FBXL17: variants seen among roughly 807,000 people sequenced by gnomAD.
The protein encoded by FBXL17 is F-box and leucine rich repeat protein 17.
FBXL17 carries 22 observed loss-of-function variants against 66.2 expected under a neutral mutation model. The ratio of observed to expected loss-of-function variants is 0.33; its 90% CI spans 0.24 to 0.47. The LOEUF (loss-of-function observed/expected upper bound fraction) is 0.47, where lower values mean the gene tolerates loss of function less well. Among genes scored for constraint, FBXL17 ranks in the 20% least tolerant of loss-of-function variants. The probability of loss-of-function intolerance (pLI) is 1.00; values close to 1 mark genes in which losing one functional copy is unlikely to be tolerated. For synonymous variants in FBXL17, 474 were observed against 400.5 expected, an observed-to-expected ratio of 1.18 and a Z score of -2.19; for missense variants, 878 against 948.2, an observed-to-expected ratio of 0.93 and a Z score of 0.97.
chr5:107,884,979 A>G (rs544868062), intron 7 of FBXL17, among the ~76,000 whole-genome samples: 1 of 152,314 alleles, frequency 6.6e-6, no homozygotes, highest in African/African-American at 2.4e-5. Context: ...TTATATAAAT[A>G]CTTAGTCATT....
rs563661311 is a variant in FBXL17, at chr5:108,287,929, CTAGTCAT to C, written c.1506+60463_1506+60469del. Among the ~76,000 whole-genome samples, 961 of 151,872 alleles carry C rather than the reference CTAGTCAT, an allele frequency of 6.3e-3. 8 individuals carry two copies. Among genetic ancestry groups the C allele is most frequent in the African/African-American group, 0.022 (920 of 41,448 alleles). On this transcript the variant is annotated intron_variant, in intron 4 of 8. Transcript: ENST00000542267. The stretch of plus-strand genomic sequence containing the variant: ...ATACATATACACCATGGAATACTAC[CTAGTCAT>C]AAAAAGAATAGATACTATCCTTTGC...
intron 4 of FBXL17, among the ~76,000 whole-genome samples, chr5:108,224,975 C>T (rs1020921138): frequency 1.3e-5 from 2 of 152,152 alleles, no homozygotes; most frequent in Middle Eastern, 3.4e-3. Flanking sequence ...ATAAAATTCA[C>T]CCTTTCAAAG....
chr5:108,126,664 C>CTCT (rs1561423141), intron 6 of FBXL17, among the ~76,000 whole-genome samples: 2,875 of 107,754 alleles, frequency 0.027, 62 homozygotes, highest in African/African-American at 0.048. Flanking sequence ...TATATATATA[C>CTCT]ATATATATAT....
At chr5:108,138,120 T>C (rs1419534910) in intron 6 of FBXL17, among the ~76,000 whole-genome samples, 2 of 152,214 alleles carry the variant, frequency 1.3e-5, no homozygotes, top group Non-Finnish European at 2.9e-5. Context: ...GGATAATGTG[T>C]TATTCAGTAA....
At chr5:108,103,104 T>G (rs1368939381) in intron 6 of FBXL17, among the ~76,000 whole-genome samples, 1 of 152,240 alleles carries the variant, frequency 6.6e-6, no homozygotes, top group Non-Finnish European at 1.5e-5. Flanking sequence ...ATTCCATTTT[T>G]CTGTCTCTAA....
chr5:108,036,174 T>C (rs958686043), intron 6 of FBXL17, among the ~76,000 whole-genome samples: 4 of 152,172 alleles, frequency 2.6e-5, no homozygotes, highest in African/African-American at 9.7e-5. Flanking sequence ...GTTGGCCCCA[T>C]CTATTATTTT....
chr5:108,052,023 G>A (rs1224164335), intron 6 of FBXL17, among the ~76,000 whole-genome samples: 1 of 147,646 alleles, frequency 6.8e-6, no homozygotes, highest in African/African-American at 2.5e-5. Flanking sequence ...TGAGGCAGGA[G>A]AATGGCGTGA....
chr5:107,865,791 T>C (rs1384123023), intron 8 of FBXL17, among the ~76,000 whole-genome samples: 2 of 152,202 alleles, frequency 1.3e-5, no homozygotes, highest in African/African-American at 4.8e-5. Flanking sequence ...ATTTTACTTA[T>C]AATCTCTCCT....
chr5:107,952,627 C>T (rs772036082), intron 7 of FBXL17, among the ~76,000 whole-genome samples: 3 of 152,152 alleles, frequency 2.0e-5, no homozygotes, highest in African/African-American at 4.8e-5. Flanking sequence ...AACCCAATGA[C>T]GTTTTCAGTG....
chr5:108,002,733 G>C, intron 7 of FBXL17, among the ~76,000 whole-genome samples: 1 of 152,132 alleles, frequency 6.6e-6, no homozygotes, highest in Non-Finnish European at 1.5e-5. Flanking sequence ...CCACAACACT[G>C]ACAAATCTCA....
At chr5:108,224,370 T>C (rs1208921716) in intron 4 of FBXL17, 142 bp from the exon 5 acceptor site, 1 of 462,680 alleles carries the variant, frequency 2.2e-6, no homozygotes, top group Non-Finnish European at 3.9e-6. Context: ...CATACAAACA[T>C]GCTATAATAT....
At chr5:108,098,165 A>T (rs12654751) in intron 6 of FBXL17, among the ~76,000 whole-genome samples, 1 of 152,074 alleles carries the variant, frequency 6.6e-6, no homozygotes, top group East Asian at 1.9e-4. Context: ...CTAAAAAAAA[A>T]CAGAAATCTA....
intron 6 of FBXL17, among the ~76,000 whole-genome samples, chr5:108,143,347 TCACACA>T (rs67696841): frequency 8.1e-5 from 12 of 147,688 alleles, no homozygotes; most frequent in Non-Finnish European, 1.0e-4. Flanking sequence ...AACAGCATTC[TCACACA>T]CACACACACA....
intron 6 of FBXL17, among the ~76,000 whole-genome samples, chr5:108,154,646 C>G (rs1561437220): frequency 1.6e-5 from 2 of 128,016 alleles, no homozygotes; most frequent in Non-Finnish European, 3.2e-5. Context: ...CACACACACA[C>G]ACATATATGT....
chr5:107,907,105 T>C (rs1329252170), intron 7 of FBXL17, among the ~76,000 whole-genome samples: 1 of 152,186 alleles, frequency 6.6e-6, no homozygotes, highest in Non-Finnish European at 1.5e-5. Context: ...AAAATATTAA[T>C]AGCTAATTTG....
intron 1 of FBXL17, among the ~76,000 whole-genome samples, chr5:108,372,369 A>C (rs919724053): frequency 2.0e-5 from 3 of 152,234 alleles, no homozygotes; most frequent in Non-Finnish European, 4.4e-5. Flanking sequence ...AAATATTTGA[A>C]GAAATAATGG....
chr5:108,206,587 A>G (rs1754128121), intron 5 of FBXL17, among the ~76,000 whole-genome samples: 1 of 152,042 alleles, frequency 6.6e-6, no homozygotes, highest in African/African-American at 2.4e-5. Flanking sequence ...TAACTTGACA[A>G]TCATTTGCAT....
At chr5:107,906,219 T>C (rs559608672) in intron 7 of FBXL17, among the ~76,000 whole-genome samples, 18 of 152,206 alleles carry the variant, frequency 1.2e-4, no homozygotes, top group African/African-American at 4.1e-4. Flanking sequence ...TTAAACATCA[T>C]AGTGATTCAA....
rs1239130525 is a variant in FBXL17, at chr5:107,860,329, C to T, written c.*1391G>A. The T allele has an allele frequency of 6.6e-6, 1 of 152,586 alleles. No homozygotes were observed. Among genetic ancestry groups the T allele is most frequent in the Non-Finnish European group, 1.5e-5 (1 of 68,004 alleles). 9.5% of individuals were successfully genotyped at this position (152,586 alleles called of 1,614,324 possible). ...AACTTCACAAGTTAGGGTTTTGTTT[C>T]TAGTTCTACTGTGAAAGATAATCAC... is the stretch of plus-strand genomic sequence containing the variant. On this transcript the variant is annotated 3_prime_UTR_variant, in exon 9 of 9. Transcript: ENST00000542267.
Sources: allele counts gnomAD v4.1 joint callset (sites outside exome capture counted in the v4.1 genomes callset), GRCh38; gene constraint gnomAD v4.1.1; transcripts MANE v1.5; gene names NCBI Gene and HGNC (gene_info 2026-07-23, HGNC 2026-07-21).